Variants in DLEU7 observed in about 807,000 individuals in gnomAD.
DLEU7 encodes the protein leukemia-associated protein 7.
A neutral mutation model predicts 16.0 loss-of-function variants in DLEU7; 17 were observed. The observed-to-expected ratio is 1.06, with a 90% confidence interval of 0.73 to 1.59. The LOEUF is 1.59. Among genes scored for constraint, DLEU7 ranks in the 40% most tolerant of loss-of-function variants. DLEU7 has a pLI of 0.00. For synonymous variants in DLEU7, 113 were observed against 139.8 expected (o/e 0.81, Z 1.35); for missense variants, 308 against 314.9 (o/e 0.98, Z 0.17).
At chr13:50,738,213 G>A (rs1284764898) in intron 1 of DLEU7, among the ~76,000 whole-genome samples, 1 of 152,148 alleles carries the variant, frequency 6.6e-6, no homozygotes, top group Non-Finnish European at 1.5e-5. Context: ...AGTATAACAT[G>A]TTAATGGTAG....
chr13:50,817,838 A>C (rs959329075), intron 1 of DLEU7, among the ~76,000 whole-genome samples: 1 of 152,072 alleles, frequency 6.6e-6, no homozygotes, highest in Non-Finnish European at 1.5e-5. Flanking sequence ...AGGATGTAAG[A>C]TAAGCTGATC....
chr13:50,798,461 G>A (rs1017138330), intron 1 of DLEU7, among the ~76,000 whole-genome samples: 1 of 152,172 alleles, frequency 6.6e-6, no homozygotes, highest in African/African-American at 2.4e-5. Context: ...AGGTGGCATG[G>A]GGACAGGGCT....
intron 1 of DLEU7, among the ~76,000 whole-genome samples, chr13:50,775,944 G>A (rs1043170854): frequency 6.6e-6 from 1 of 152,104 alleles, no homozygotes; most frequent in Non-Finnish European, 1.5e-5. Flanking sequence ...TTGTTTTGGT[G>A]ACTATTTAAT....
intron 1 of DLEU7, among the ~76,000 whole-genome samples, chr13:50,727,103 T>C (rs1873781594): frequency 6.6e-6 from 1 of 152,158 alleles, no homozygotes; most frequent in Non-Finnish European, 1.5e-5. Context: ...AGCTACAAAA[T>C]CATTGCTATG....
At chr13:50,733,996 T>C (rs144164012) in intron 1 of DLEU7, among the ~76,000 whole-genome samples, 166 of 152,342 alleles carry the variant, frequency 1.1e-3, no homozygotes, top group African/African-American at 3.6e-3. Flanking sequence ...TCTGGCTTCA[T>C]TGATGTGCAG....
chr13:50,721,599 A>G (rs370654310), intron 1 of DLEU7, among the ~76,000 whole-genome samples: 53 of 152,340 alleles, frequency 3.5e-4, no homozygotes, highest in African/African-American at 1.1e-3. Context: ...AATAAAAATA[A>G]TACAAAATTA....
chr13:50,771,205 A>G (rs1404934541), intron 1 of DLEU7, among the ~76,000 whole-genome samples: 1 of 152,108 alleles, frequency 6.6e-6, no homozygotes, highest in African/African-American at 2.4e-5. Flanking sequence ...TGATCTTTTC[A>G]AAAAACCAGC....
chr13:50,781,603 T>G (rs997749850), intron 1 of DLEU7, among the ~76,000 whole-genome samples: 13 of 152,158 alleles, frequency 8.5e-5, no homozygotes, highest in African/African-American at 3.1e-4. Flanking sequence ...CATTTGATGG[T>G]GACACTCCCC....
At chr13:50,835,234 G>A (rs1321466456) in intron 1 of DLEU7, among the ~76,000 whole-genome samples, 3 of 152,182 alleles carry the variant, frequency 2.0e-5, no homozygotes, top group Admixed American at 2.0e-4. Flanking sequence ...ACTCGGCCCA[G>A]ATCCCAAATG....
At chr13:50,722,623 T>C (rs1460221717) in intron 1 of DLEU7, among the ~76,000 whole-genome samples, 1 of 152,202 alleles carries the variant, frequency 6.6e-6, no homozygotes, top group East Asian at 1.9e-4. Flanking sequence ...TGTTATCTAT[T>C]TAAAGCACAC....
rs547259943 is a variant in DLEU7 at position 50,756,480 on chromosome 13, G to A, written c.460-43240C>T. Among the ~76,000 whole-genome samples, 5 of 152,236 alleles carry A rather than the reference G, an allele frequency of 3.3e-5. No homozygotes were observed. The East Asian group carries it at 9.7e-4, about 29-fold the overall frequency. On this transcript the variant is annotated intron_variant, in intron 1 of 1. Coordinates refer to the DLEU7 transcript ENST00000400393. ...TGGCTGCCTCTGCTGAGTCATGCAG[G>A]TTGTCAGGGAAGTGGGGGAAAGCCG...
At chr13:50,724,495 C>T (rs1873711105) in intron 1 of DLEU7, among the ~76,000 whole-genome samples, 1 of 151,828 alleles carries the variant, frequency 6.6e-6, no homozygotes, top group African/African-American at 2.4e-5. Flanking sequence ...TCCTCTTTTC[C>T]TACGGATGAA....
At chr13:50,740,460 T>C (rs1206337295) in intron 1 of DLEU7, among the ~76,000 whole-genome samples, 1 of 152,194 alleles carries the variant, frequency 6.6e-6, no homozygotes, top group Non-Finnish European at 1.5e-5. Flanking sequence ...ATTAGACTAA[T>C]GGAGTTCTGC....
chr13:50,751,528 G>A (rs1186142451), intron 1 of DLEU7, among the ~76,000 whole-genome samples: 1 of 152,158 alleles, frequency 6.6e-6, no homozygotes. Flanking sequence ...TTCTTTGAAT[G>A]TCTGGTAGAA....
chr13:50,724,311 T>G (rs972679861), intron 1 of DLEU7, among the ~76,000 whole-genome samples: 1 of 152,198 alleles, frequency 6.6e-6, no homozygotes, highest in Non-Finnish European at 1.5e-5. Context: ...TTCTATTTAT[T>G]AACTTATATT....
In DLEU7 at chr13:50,843,411, G is replaced by T; in HGVS notation, c.236C>A (p.Thr79Asn). The change falls in exon 1 of 2, where the codon ACC becomes AAC. Residue 79 changes from threonine (T) to asparagine (N), a missense_variant. Coordinates refer to ENST00000504404, the MANE Select transcript of DLEU7 (RefSeq NM_001306135.2). This position sits in a 1 kb window ranked among gnomAD's most constrained non-coding sequence, Gnocchi z 5.7. The part of the protein sequence containing the change: ...GGGVGTRSRR[T>N]AARANSPEEE... ...CTCTGGGGAGTTCGCCCGCGCCGCG[G>T]TCCGCCGACTCCTGGTCCCCACGCC... 1 of 1,316,182 alleles carries T rather than the reference G, an allele frequency of 7.6e-7. No individual in the cohort carries two copies. 81.5% of individuals were successfully genotyped at this position (1,316,182 alleles called of 1,614,324 possible).
chr13:50,783,025 A>G (rs1466524134), intron 1 of DLEU7, among the ~76,000 whole-genome samples: 1 of 152,202 alleles, frequency 6.6e-6, no homozygotes. Flanking sequence ...CAAAAGGTAT[A>G]ACCCAGAAGT....
chr13:50,742,669 G>A (rs1051657455), intron 1 of DLEU7, among the ~76,000 whole-genome samples: 1 of 152,178 alleles, frequency 6.6e-6, no homozygotes, highest in African/African-American at 2.4e-5. Context: ...GATCATCTGG[G>A]TCATTGTTCT....
At chr13:50,825,285 C>T (rs1221162218) in intron 1 of DLEU7, among the ~76,000 whole-genome samples, 2 of 152,092 alleles carry the variant, frequency 1.3e-5, no homozygotes, top group Non-Finnish European at 2.9e-5. Flanking sequence ...AGGCAGATCA[C>T]AACATGCTGA....
Sources: allele counts gnomAD v4.1 joint callset (sites outside exome capture counted in the v4.1 genomes callset), GRCh38; gene constraint gnomAD v4.1.1; non-coding constraint Gnocchi (gnomAD v3.1); transcripts MANE v1.5; gene names NCBI Gene and HGNC (gene_info 2026-07-23, HGNC 2026-07-21).